TRIML2: variants seen among roughly 807,000 people sequenced by gnomAD.
TRIML2 encodes the protein tripartite motif family like 2, also known as probable E3 ubiquitin-protein ligase TRIML2.
In TRIML2, 28 loss-of-function variants were observed where a neutral mutation model predicts 31.2. The ratio of observed to expected loss-of-function variants is 0.90; its 90% CI spans 0.66 to 1.23. TRIML2 has a LOEUF of 1.23. Among genes scored for constraint, TRIML2 ranks in the 50% most tolerant of loss-of-function variants. TRIML2 has a pLI of 0.00. For synonymous variants in TRIML2, 187 were observed against 197.5 expected, an observed-to-expected ratio of 0.95 and a Z score of 0.45; for missense variants, 536 against 528.3, an observed-to-expected ratio of 1.01 and a Z score of -0.14.
intron 3 of TRIML2, among the ~76,000 whole-genome samples, chr4:188,101,676 G>T (rs998697994): frequency 1.3e-5 from 2 of 150,362 alleles, no homozygotes; most frequent in African/African-American, 4.9e-5. Context: ...CCTGGCAACA[G>T]AGCTAGACTC....
chr4:188,099,519 G>A (rs913336444), intron 4 of TRIML2, among the ~76,000 whole-genome samples: 2 of 150,706 alleles, frequency 1.3e-5, no homozygotes, highest in Non-Finnish European at 2.9e-5. Context: ...AGCCAAGATC[G>A]TGCCACTGCA....
chr4:188,099,963 A>C (rs1326198131), intron 4 of TRIML2, among the ~76,000 whole-genome samples: 1 of 152,190 alleles, frequency 6.6e-6, no homozygotes, highest in African/African-American at 2.4e-5. Context: ...CACATACGCA[A>C]CTTGAGTATG....
intron 7 of TRIML2, among the ~76,000 whole-genome samples, chr4:188,094,663 C>A (rs1733422852): frequency 6.6e-6 from 1 of 152,118 alleles, no homozygotes; most frequent in Admixed American, 6.6e-5. Context: ...ATTTTGTATT[C>A]CTGGACTGAA....
chr4:188,101,313 G>A (rs369096901), intron 3 of TRIML2, 63 bp from the exon 4 acceptor site: 18 of 930,800 alleles, frequency 1.9e-5, no homozygotes, highest in Middle Eastern at 2.9e-4. Context: ...ACACACACAC[G>A]TCATAATAGA....
At position 188,105,194 on chromosome 4, in the gene TRIML2, C is replaced by T; in HGVS notation, c.175G>A (p.Ala59Thr). ...HHMVCGIQEA[A>T]ENYRKLFQEI... is the part of the protein sequence containing the mutation. ...GTGACTCTTACCCTGTAATTCTCAG[C>T]AGCCTCTTGTATCCCACACACCATG... The change falls in exon 2 of 8, where the codon GCT becomes ACT. Residue 59 changes from alanine (A) to threonine (T), a missense_variant. By Grantham distance (58) the Ala-to-Thr change is moderately conservative (BLOSUM62 0). Transcript: ENST00000682553. The T allele has an allele frequency of 6.3e-7, 1 of 1,598,278 alleles. No homozygotes were observed. The highest frequency in any genetic ancestry group is 8.6e-7 in the Non-Finnish European group (1 of 1,166,586).
intron 3 of TRIML2, among the ~76,000 whole-genome samples, chr4:188,102,926 T>TC: frequency 6.7e-6 from 1 of 148,990 alleles, no homozygotes; most frequent in Middle Eastern, 3.5e-3. Context: ...GCTCTACCTG[T>TC]CCCCCAGCTC....
At chr4:188,103,138 G>C (rs1021409986) in intron 3 of TRIML2, among the ~76,000 whole-genome samples, 4 of 148,946 alleles carry the variant, frequency 2.7e-5, no homozygotes, top group African/African-American at 9.9e-5. Context: ...TCAGTCACCT[G>C]AGTAGCTGGG....
Position 188,104,804 on chromosome 4 carries a change from TC to T in TRIML2, c.285+32del. On this transcript the variant is annotated intron_variant, in intron 3 of 7. Transcript: ENST00000682553. ...TTTTCTAACAACATTACTGGTAATT[TC>T]CCCCCAAGAATCAAGATAAGCACTC... 4 of 1,511,362 alleles carry T rather than the reference TC, an allele frequency of 2.6e-6. No individual in the cohort carries two copies. In the South Asian group the frequency reaches 3.4e-5, roughly 13 times the overall value. The allele number at this position is 1,511,362 out of a possible 1,614,324, so 93.6% of individuals were successfully genotyped here. A position where few individuals can be genotyped will look rare whatever the true frequency, so the allele number is the denominator to read the frequency against.
Position 188,101,056 on chromosome 4 carries a change from C to G in TRIML2, c.480G>C (p.Gln160His). The G allele has an allele frequency of 6.2e-7, 1 of 1,603,868 alleles. No homozygotes were observed. Among genetic ancestry groups the G allele is most frequent in the Non-Finnish European group, 8.5e-7 (1 of 1,173,806 alleles). The stretch of plus-strand genomic sequence containing the variant: ...GAGGATGTTGTTTTCAATATCTCAC[C>G]TGTAGCATTTCCTGGAACATCTCCT... ...ELEEMFQEML[Q>H]RLGRVGRENM... Residue 160 changes from glutamine (Q) to histidine (H), a missense_variant and splice_region_variant, in exon 4 of 8, where the codon CAG becomes CAC. Physicochemically the swap from Gln to His is conservative, Grantham distance 24 (BLOSUM62 0). Transcript: ENST00000682553.
chr4:188,105,364 G>T lies in TRIML2; in HGVS notation c.5C>A (p.Ser2Tyr). The T allele has an allele frequency of 6.3e-7, 1 of 1,577,020 alleles. No individual in the cohort carries two copies. The highest frequency in any genetic ancestry group is 8.6e-7 in the Non-Finnish European group (1 of 1,158,258). ...CTGTAACTGAGGGCTGAGCCTTTTG[G>T]ACATCCTGGTAGGGGTCCCTAGTTG... M[S>Y]KRLSPQLQHN... The change falls in exon 2 of 8, where the codon TCC becomes TAC. Residue 2 changes from serine (S) to tyrosine (Y), a missense_variant. Transcript: ENST00000682553.
At chr4:188,101,293 G>C (rs949014863) in intron 3 of TRIML2, 43 bp from the exon 4 acceptor site, 1 of 1,285,902 alleles carries the variant, frequency 7.8e-7, no homozygotes, top group African/African-American at 1.5e-5. Context: ...AAACATGATA[G>C]ATTAACAACA....
chr4:188,095,577 C>T (rs1192330766), intron 7 of TRIML2, among the ~76,000 whole-genome samples: 3 of 152,136 alleles, frequency 2.0e-5, no homozygotes, highest in Admixed American at 6.5e-5. Flanking sequence ...TCTATCGGGT[C>T]GGATGTAGTA....
Position 188,104,819 on chromosome 4 carries a change from A to G in TRIML2, c.285+18T>C. ...ACTGGTAATTTCCCCCCAAGAATCA[A>G]GATAAGCACTCACTGACCTGAATCA... On this transcript the variant is annotated intron_variant, in intron 3 of 7. Coordinates refer to ENST00000682553, the MANE Select transcript of TRIML2 (RefSeq NM_173553.4). 6.3e-7 allele frequency: 1 copy of G among 1,591,682 alleles called. No individual in the cohort carries two copies. The highest frequency in any genetic ancestry group is 1.1e-5 in the South Asian group (1 of 90,226).
In TRIML2 at chr4:188,097,329, T is replaced by C; in HGVS notation, c.639A>G (p.Leu213=). Residue 213 remains leucine, a synonymous_variant, in exon 6 of 8, where the codon TTA becomes TTG. Coordinates refer to ENST00000682553, the MANE Select transcript of TRIML2 (RefSeq NM_173553.4). ...TATCCAAAATGAAAACTCACCTTTC[T>C]AAAGAGTATTTTGCATTCTAAGGGA... ...LALLKNAKYS[L]ERSKSLLLEH... The C allele has an allele frequency of 1.2e-6, 2 of 1,614,048 alleles. No individual in the cohort carries two copies. The highest frequency in any genetic ancestry group is 1.7e-6 in the Non-Finnish European group (2 of 1,179,938).
intron 7 of TRIML2, among the ~76,000 whole-genome samples, chr4:188,094,442 AAT>A (rs1189735490): frequency 1.3e-5 from 2 of 152,222 alleles, no homozygotes; most frequent in African/African-American, 4.8e-5. Flanking sequence ...TACAAATGTC[AAT>A]ATATATAAAA....
intron 3 of TRIML2, 123 bp from the exon 4 acceptor site, chr4:188,101,373 T>G (rs1733780993): frequency 2.0e-6 from 1 of 507,624 alleles, no homozygotes; most frequent in Non-Finnish European, 3.2e-6. Flanking sequence ...CTGACCACAA[T>G]GTATTCTTTC....
At position 188,099,374 on chromosome 4, in the gene TRIML2, G is replaced by A. The variant is rs1196149712; in HGVS notation, c.481-199C>T. ...GAGGTCAGGGTTTGAGACCAGCCTGGCCAACATGGTGAAACCCAGTCTCCA... is the reference window on the plus strand; with the variant it reads ...GAGGTCAGGGTTTGAGACCAGCCTGACCAACATGGTGAAACCCAGTCTCCA... On this transcript the variant is annotated intron_variant, in intron 4 of 7. Transcript: ENST00000682553. Among the ~76,000 whole-genome samples, 8 of 152,178 alleles carry A rather than the reference G, an allele frequency of 5.3e-5. No individual in the cohort carries two copies. In the East Asian group the frequency reaches 9.6e-4, roughly 18 times the overall value.
chr4:188,105,147 GAGTGTTT>G (rs1421760961), intron 2 of TRIML2, 26 bp downstream of exon 2: 1 of 1,586,558 alleles, frequency 6.3e-7, no homozygotes, highest in East Asian at 2.3e-5. Flanking sequence ...GAGTTGGCCA[GAGTGTTT>G]TGGGATTTGC....
Position 188,091,735 on chromosome 4 carries a change from C to T in TRIML2, c.952G>A (p.Val318Met), listed in dbSNP as rs1490245391. ...TCTGCAGAGCCGTGGTATATGCCCACTTGCCACCTGGTTGCCTTTTCCACG... is the reference window on the plus strand; with the variant it reads ...TCTGCAGAGCCGTGGTATATGCCCATTTGCCACCTGGTTGCCTTTTCCACG... ...VDVEKATRWQ[V>M]GIYHGSADAK... The change falls in exon 8 of 8, where the codon GTG (valine) becomes ATG (methionine). Residue 318 changes from valine (V) to methionine (M), a missense_variant. Transcript: ENST00000682553. 1 of 1,614,118 alleles carries T rather than the reference C, an allele frequency of 6.2e-7. No individual in the cohort carries two copies. The highest frequency in any genetic ancestry group is 2.2e-5 in the East Asian group (1 of 44,852).
Sources: gnomAD v4.1 joint callset for allele counts (sites outside exome capture counted in the v4.1 genomes callset) on GRCh38, gnomAD v4.1.1 for gene constraint, MANE v1.5 for transcripts, NCBI Gene and HGNC (gene_info 2026-07-23, HGNC 2026-07-21) for gene names.